The following NXPH1 variants were observed in gnomAD, a reference collection of about 807,000 sequenced individuals.
NXPH1 encodes neurexophilin-1.
NXPH1 carries 5 observed loss-of-function variants against 23.7 expected under a neutral mutation model. The observed-to-expected ratio is 0.21, with a 90% CI of 0.11 to 0.44. NXPH1 has a LOEUF of 0.44. Among genes scored for constraint, NXPH1 ranks in the 20% least tolerant of loss-of-function variants. The probability of loss-of-function intolerance (pLI) is 0.99; values close to 1 mark genes in which losing one functional copy is unlikely to be tolerated. For synonymous variants in NXPH1, 144 were observed against 122.2 expected (o/e 1.18, Z -1.18); for missense variants, 324 against 321.6 (o/e 1.01, Z -0.06).
rs543758572 is a variant in NXPH1 at position 8,752,034 on chromosome 7, C to A, written c.*265C>A. On this transcript the variant is annotated 3_prime_UTR_variant, in exon 3 of 3. Coordinates refer to ENST00000405863, the MANE Select transcript of NXPH1 (RefSeq NM_152745.3). ...TCACATATAGAGGTACACAAACACA[C>A]CGTCATGCACATTTCAGCTTGCGTC... 3.0e-5 allele frequency: 11 copies of A among 363,670 alleles called. No homozygotes were observed. The highest frequency in any genetic ancestry group is 2.0e-4 in the African/African-American group (10 of 49,896). The allele number at this position is 363,670 out of a possible 1,614,324, so 22.5% of individuals were successfully genotyped here.
intron 2 of NXPH1, among the ~76,000 whole-genome samples, chr7:8,527,857 GA>G: frequency 6.6e-6 from 1 of 152,310 alleles, no homozygotes; most frequent in Admixed American, 6.5e-5. Context: ...TGAGAGATGG[GA>G]AAAGAAGGAA....
At chr7:8,745,920 A>G (rs1583258793) in intron 2 of NXPH1, among the ~76,000 whole-genome samples, 1 of 151,946 alleles carries the variant, frequency 6.6e-6, no homozygotes, top group South Asian at 2.1e-4. Flanking sequence ...CTGTTAAAGT[A>G]CCAAGCCTCT....
chr7:8,508,641 A>T (rs1368829190), intron 2 of NXPH1, among the ~76,000 whole-genome samples: 1 of 152,046 alleles, frequency 6.6e-6, no homozygotes, highest in Non-Finnish European at 1.5e-5. Context: ...TTTGCTAAGC[A>T]TCTTTTTTTT....
intron 2 of NXPH1, among the ~76,000 whole-genome samples, chr7:8,713,100 A>G (rs1779822168): frequency 9.2e-5 from 14 of 151,992 alleles, no homozygotes; most frequent in Admixed American, 9.2e-4. Context: ...TTCTACAAGA[A>G]GCTTTCTTGT....
At chr7:8,507,763 C>T (rs903988544) in intron 2 of NXPH1, among the ~76,000 whole-genome samples, 1 of 152,096 alleles carries the variant, frequency 6.6e-6, no homozygotes, top group Non-Finnish European at 1.5e-5. Context: ...TCACCCTCTC[C>T]CCTCCTCACA....
rs536981580 is a variant in NXPH1 at position 8,588,415 on chromosome 7, T to C, written c.54+152648T>C. Among the ~76,000 whole-genome samples, 7 of 152,046 alleles carry C rather than the reference T, an allele frequency of 4.6e-5. No individual in the cohort carries two copies. In the South Asian group the frequency reaches 1.2e-3, roughly 27 times the overall value. On this transcript the variant is annotated intron_variant, in intron 2 of 2. Transcript: ENST00000405863. ...ATTAAAACTGCACTGGGATATCTGATATAAATCAGGAAAGACAGGGAAAGT... is the reference window on the plus strand; with the variant it reads ...ATTAAAACTGCACTGGGATATCTGACATAAATCAGGAAAGACAGGGAAAGT...
Position 8,751,665 on chromosome 7 carries a change from A to T in NXPH1, c.712A>T (p.Ile238Phe), listed in dbSNP as rs1479674234. 1 of 1,613,208 alleles carries T rather than the reference A, an allele frequency of 6.2e-7. No homozygotes were observed. The highest frequency in any genetic ancestry group is 2.2e-5 in the East Asian group (1 of 44,866). The change falls in exon 3 of 3, where the codon ATC becomes TTC. Residue 238 changes from isoleucine to phenylalanine, a missense_variant. By Grantham distance (21) the Ile-to-Phe change is conservative. Transcript: ENST00000405863. The surrounding 1 kb of genome is among the most constrained non-coding windows in gnomAD (Gnocchi z 4.5). Reference protein sequence around the residue: ...SWLCSKPFKVICIYISFYSTD... With the variant: ...SWLCSKPFKVFCIYISFYSTD... ...GCTCTGCTCCAAGCCCTTTAAGGTG[A>T]TCTGTATTTACATTTCCTTTTATAG... is the stretch of plus-strand genomic sequence containing the variant.
At chr7:8,443,907 G>A (rs996462269) in intron 2 of NXPH1, among the ~76,000 whole-genome samples, 16 of 152,142 alleles carry the variant, frequency 1.1e-4, no homozygotes, top group African/African-American at 3.6e-4. Flanking sequence ...CTCACACAAC[G>A]TTGCCCTACC....
intron 2 of NXPH1, among the ~76,000 whole-genome samples, chr7:8,647,277 C>T (rs1438687827): frequency 1.3e-5 from 2 of 152,162 alleles, no homozygotes; most frequent in Non-Finnish European, 2.9e-5. Context: ...AGGGACTGGA[C>T]ATCCAGGCCC....
chr7:8,665,196 T>C (rs1396493580), intron 2 of NXPH1, among the ~76,000 whole-genome samples: 1 of 152,090 alleles, frequency 6.6e-6, no homozygotes, highest in African/African-American at 2.4e-5. Flanking sequence ...TTGATTTTTG[T>C]AAATGGTGTA....
chr7:8,722,540 T>C (rs1039128171), intron 2 of NXPH1, among the ~76,000 whole-genome samples: 2 of 152,216 alleles, frequency 1.3e-5, no homozygotes, highest in Non-Finnish European at 2.9e-5. Flanking sequence ...TGCAATAGAC[T>C]AGGTTAATGC....
intron 2 of NXPH1, among the ~76,000 whole-genome samples, chr7:8,614,920 A>G (rs1413433291): frequency 6.6e-6 from 1 of 152,086 alleles, no homozygotes; most frequent in East Asian, 1.9e-4. Context: ...CTTTGTTAAT[A>G]TATTAAACAA....
At chr7:8,563,953 A>G (rs1420109456) in intron 2 of NXPH1, among the ~76,000 whole-genome samples, 2 of 151,844 alleles carry the variant, frequency 1.3e-5, no homozygotes, top group Non-Finnish European at 2.9e-5. Flanking sequence ...CAGTTAGCCA[A>G]TGCCAGAACT....
At chr7:8,679,092 C>T (rs796224956) in intron 2 of NXPH1, among the ~76,000 whole-genome samples, 36 of 151,658 alleles carry the variant, frequency 2.4e-4, no homozygotes, top group African/African-American at 8.0e-4. Context: ...GGACTATAGG[C>T]GCCCACCACC....
At chr7:8,680,639 A>G (rs754113528) in intron 2 of NXPH1, among the ~76,000 whole-genome samples, 16 of 152,232 alleles carry the variant, frequency 1.1e-4, no homozygotes, top group Non-Finnish European at 2.2e-4. Flanking sequence ...GTGAAGTACA[A>G]TGCCAAGACA....
chr7:8,461,367 C>G (rs1816691386), intron 2 of NXPH1, among the ~76,000 whole-genome samples: 1 of 152,062 alleles, frequency 6.6e-6, no homozygotes, highest in Non-Finnish European at 1.5e-5. Context: ...CTCCCAAGCT[C>G]TAAGGTGGAG....
chr7:8,632,604 C>T (rs1309217881), intron 2 of NXPH1, among the ~76,000 whole-genome samples: 1 of 152,144 alleles, frequency 6.6e-6, no homozygotes, highest in East Asian at 1.9e-4. Context: ...GGAATCTGTT[C>T]TTATCGCCTT....
chr7:8,729,242 T>C (rs1780108868), intron 2 of NXPH1, among the ~76,000 whole-genome samples: 1 of 150,486 alleles, frequency 6.6e-6, no homozygotes, highest in Non-Finnish European at 1.5e-5. Flanking sequence ...TTTTCTTTCT[T>C]AGTCTTGCTA....
chr7:8,564,701 T>G (rs1818508845), intron 2 of NXPH1, among the ~76,000 whole-genome samples: 1 of 151,880 alleles, frequency 6.6e-6, no homozygotes, highest in African/African-American at 2.4e-5. Context: ...GATGCTTTTC[T>G]TTTATTCCAG....
Sources: allele counts gnomAD v4.1 joint callset (sites outside exome capture counted in the v4.1 genomes callset), GRCh38; gene constraint gnomAD v4.1.1; non-coding constraint Gnocchi (gnomAD v3.1); transcripts MANE v1.5; gene names NCBI Gene and HGNC (gene_info 2026-07-23, HGNC 2026-07-21).